The following NRXN3 variants were observed in gnomAD, a reference collection of about 807,000 sequenced individuals.
The protein encoded by NRXN3 is neurexin 3, also known as neurexin III.
A neutral mutation model predicts 137.6 loss-of-function variants in NRXN3; 32 were observed. That is an observed-to-expected ratio of 0.23 (90% CI 0.18 to 0.31). NRXN3 has a LOEUF of 0.31. Ranked by LOEUF, NRXN3 falls within the 10% of genes least tolerant of loss-of-function variation. NRXN3 has a pLI of 1.00. For synonymous variants in NRXN3, 798 were observed against 784.5 expected, an observed-to-expected ratio of 1.02 and a Z score of -0.29; for missense variants, 1,574 against 2,062.5, an observed-to-expected ratio of 0.76 and a Z score of 4.59.
At chr14:78,725,934 A>G (rs769916865) in intron 8 of NRXN3, among the ~76,000 whole-genome samples, 18 of 152,134 alleles carry the variant, frequency 1.2e-4, no homozygotes, top group Non-Finnish European at 1.9e-4. Context: ...TTCTTAATTT[A>G]TATCTGAGGA....
intron 19 of NRXN3, among the ~76,000 whole-genome samples, chr14:79,703,100 A>T (rs2098761705): frequency 6.6e-6 from 1 of 152,110 alleles, no homozygotes; most frequent in Admixed American, 6.6e-5. Flanking sequence ...CTCAGCATGG[A>T]TTGGAACTAT....
chr14:79,509,577 G>GTGTGTATATATGTATATA (rs956248240), intron 16 of NRXN3, among the ~76,000 whole-genome samples: 2 of 150,920 alleles, frequency 1.3e-5, no homozygotes, highest in African/African-American at 2.4e-5. Context: ...ATATATATAT[G>GTGTGTATATATGTATATA]TGTGTATATA....
At chr14:78,657,890 T>G (rs542596183) in intron 6 of NRXN3, among the ~76,000 whole-genome samples, 2 of 152,344 alleles carry the variant, frequency 1.3e-5, no homozygotes, top group East Asian at 1.9e-4. Context: ...GCTTGCTGTC[T>G]CTTGTTGCTA....
chr14:78,935,061 A>G (rs528693951), intron 10 of NRXN3, among the ~76,000 whole-genome samples: 7 of 152,266 alleles, frequency 4.6e-5, no homozygotes, highest in East Asian at 3.9e-4. Flanking sequence ...GCTCCTAGGC[A>G]TATGGGAGAG....
At chr14:79,504,655 G>GTATATATATATATGTA (rs1555491978) in intron 16 of NRXN3, among the ~76,000 whole-genome samples, 5 of 104,220 alleles carry the variant, frequency 4.8e-5, no homozygotes, top group African/African-American at 1.7e-4. Flanking sequence ...ATATATATAT[G>GTATATATATATATGTA]TATATATATA....
At position 78,967,215 on chromosome 14, in the gene NRXN3, C is replaced by T. The variant is rs767309854; in HGVS notation, c.2785C>T (p.His929Tyr). 6.3e-7 allele frequency: 1 copy of T among 1,581,416 alleles called. No individual in the cohort carries two copies. Among genetic ancestry groups the T allele is most frequent in the Non-Finnish European group, 8.7e-7 (1 of 1,155,306 alleles). The change falls in exon 13 of 21, where the codon CAC (histidine) becomes TAC (tyrosine). Residue 929 changes from histidine (H) to tyrosine (Y), a missense_variant. This residue lies in a region of NRXN3 where 718 missense variants were observed against 887.6 expected (regional missense o/e 0.81). Transcript: ENST00000335750. ...IAVELVKGYI[H>Y]YVFDLGNGPN... is the part of the protein sequence containing the mutation. ...TTTTTTTTTTCTTCCTAGGTATATA[C>T]ACTACGTTTTTGACCTCGGAAACGG...
chr14:79,750,970 T>A (rs12587404), intron 19 of NRXN3, among the ~76,000 whole-genome samples: 1 of 152,258 alleles, frequency 6.6e-6, no homozygotes, highest in Non-Finnish European at 1.5e-5. Context: ...GAACCTTACC[T>A]TTTAACATGA....
intron 19 of NRXN3, among the ~76,000 whole-genome samples, chr14:79,804,494 T>C (rs997989796): frequency 6.6e-6 from 1 of 152,208 alleles, no homozygotes; most frequent in African/African-American, 2.4e-5. Context: ...CTTACCTGTG[T>C]TCAGGGACTA....
intron 4 of NRXN3, among the ~76,000 whole-genome samples, chr14:78,546,309 G>A (rs732719): frequency 0.66 from 100,944 of 152,008 alleles, 33,857 homozygotes; most frequent in Non-Finnish European, 0.71. Context: ...TTCTCGGACT[G>A]TTAGTGAATC....
intron 10 of NRXN3, among the ~76,000 whole-genome samples, chr14:78,913,443 C>A (rs1302950082): frequency 3.3e-5 from 5 of 151,718 alleles, no homozygotes; most frequent in Non-Finnish European, 7.4e-5. Context: ...CCATGCCCAG[C>A]TAATTTTTGT....
intron 15 of NRXN3, among the ~76,000 whole-genome samples, chr14:79,167,668 C>CCATTT (rs2061400237): frequency 6.6e-6 from 1 of 151,784 alleles, no homozygotes; most frequent in Non-Finnish European, 1.5e-5. Context: ...TTGCAGGTTA[C>CCATTT]CATTTCATCT....
intron 15 of NRXN3, among the ~76,000 whole-genome samples, chr14:79,308,896 T>A (rs1566751394): frequency 2.1e-5 from 3 of 145,760 alleles, no homozygotes; most frequent in Non-Finnish European, 3.0e-5. Flanking sequence ...TTTTATTTTT[T>A]TTTATTTTAT....
intron 6 of NRXN3, chr14:78,695,223 C>T (rs2098214334): frequency 6.6e-6 from 1 of 151,894 alleles, no homozygotes. Context: ...CATTTAGGGT[C>T]CACCTGGAGA....
chr14:78,568,440 T>C (rs1404590878), intron 4 of NRXN3, among the ~76,000 whole-genome samples: 2 of 152,204 alleles, frequency 1.3e-5, no homozygotes, highest in African/African-American at 2.4e-5. Context: ...AAATTTTTGT[T>C]GTTTATAAGC....
intron 1 of NRXN3, among the ~76,000 whole-genome samples, chr14:78,199,208 T>G (rs374891692): frequency 2.6e-5 from 4 of 152,124 alleles, no homozygotes; most frequent in African/African-American, 9.7e-5. Context: ...TGGCCAGAGC[T>G]GTTGGAGGTT....
chr14:78,325,016 G>T (rs2079878535), intron 4 of NRXN3, among the ~76,000 whole-genome samples: 1 of 152,048 alleles, frequency 6.6e-6, no homozygotes, highest in Non-Finnish European at 1.5e-5. Flanking sequence ...CATAGTATAA[G>T]AGGTCAGCAG....
intron 15 of NRXN3, among the ~76,000 whole-genome samples, chr14:79,244,502 G>A (rs1019441869): frequency 7.2e-5 from 11 of 152,084 alleles, no homozygotes; most frequent in African/African-American, 2.4e-4. Context: ...ATATTGGTGG[G>A]GGGTGACAAG....
In NRXN3 at chr14:78,451,558, G is replaced by A. The variant is rs2094551114; in HGVS notation, c.757+153698G>A. 2.0e-5 allele frequency among the ~76,000 whole-genome samples: 3 copies of A among 152,176 alleles called. No individual in the cohort carries two copies. In the South Asian group the frequency reaches 6.2e-4, roughly 32 times the overall value. On this transcript the variant is annotated intron_variant, in intron 4 of 20. Coordinates refer to ENST00000335750, the MANE Select transcript of NRXN3 (RefSeq NM_001330195.2). ...AGTTGTGAAACATGCAAAGTCTGGG[G>A]TGTTTCACTTCTTTCTATACTCCCT...
At chr14:79,769,885 C>T (rs1254747033) in intron 19 of NRXN3, among the ~76,000 whole-genome samples, 2 of 152,152 alleles carry the variant, frequency 1.3e-5, no homozygotes, top group South Asian at 2.1e-4. Flanking sequence ...ACCCATCTCA[C>T]ATGCAGAGAC....
Sources: allele counts gnomAD v4.1 joint callset (sites outside exome capture counted in the v4.1 genomes callset), GRCh38; gene constraint gnomAD v4.1.1; regional missense constraint gnomAD v4.1.1; transcripts MANE v1.5; gene names NCBI Gene and HGNC (gene_info 2026-07-23, HGNC 2026-07-21).